ANK3: variants seen among roughly 807,000 people sequenced by gnomAD.
The protein encoded by ANK3 is ankyrin-3.
In ANK3, 57 loss-of-function variants were observed where a neutral mutation model predicts 370.9. The observed-to-expected ratio is 0.15, with a 90% CI of 0.12 to 0.19. The LOEUF (loss-of-function observed/expected upper bound fraction) is 0.19. Ranked by LOEUF, ANK3 falls within the 10% of genes least tolerant of loss-of-function variation. ANK3 has a pLI of 1.00. For synonymous variants in ANK3, 1,929 were observed against 1,946.3 expected (o/e 0.99, Z 0.23); for missense variants, 4,439 against 5,302.1 (o/e 0.84, Z 5.06).
intron 2 of ANK3, among the ~76,000 whole-genome samples, chr10:60,417,342 G>C (rs898892929): frequency 6.6e-6 from 1 of 152,120 alleles, no homozygotes; most frequent in African/African-American, 2.4e-5. Flanking sequence ...AGTGCCCCCA[G>C]GGATAAAGAA....
intron 1 of ANK3, among the ~76,000 whole-genome samples, chr10:60,353,050 C>G (rs1312154519): frequency 6.6e-6 from 1 of 151,976 alleles, no homozygotes; most frequent in Non-Finnish European, 1.5e-5. Flanking sequence ...GAGGCGTGAT[C>G]TCGGCTCACT....
chr10:60,557,086 C>T (rs1400326582), intron 2 of ANK3, among the ~76,000 whole-genome samples: 1 of 152,190 alleles, frequency 6.6e-6, no homozygotes, highest in African/African-American at 2.4e-5. Flanking sequence ...AATCTGGTCA[C>T]TGGTGCCAAA....
intron 2 of ANK3, among the ~76,000 whole-genome samples, chr10:60,427,521 G>A (rs78598854): frequency 0.019 from 2,878 of 151,140 alleles, 79 homozygotes; most frequent in African/African-American, 0.067. Flanking sequence ...ATAAGGTTTC[G>A]GGCCCTAAAA....
chr10:60,276,355 C>T (rs2098089534), intron 4 of ANK3, among the ~76,000 whole-genome samples: 1 of 152,106 alleles, frequency 6.6e-6, no homozygotes, highest in African/African-American at 2.4e-5. Context: ...ATGGAGGTGA[C>T]ATCATTGTTT....
chr10:60,121,809 T>C (rs906400008), intron 25 of ANK3, among the ~76,000 whole-genome samples: 33 of 152,210 alleles, frequency 2.2e-4, no homozygotes, highest in African/African-American at 7.7e-4. Flanking sequence ...GGATTGTTTG[T>C]AGCACAAAGG....
chr10:60,536,058 T>A (rs2076717975), intron 2 of ANK3, among the ~76,000 whole-genome samples: 1 of 152,104 alleles, frequency 6.6e-6, no homozygotes, highest in Non-Finnish European at 1.5e-5. Flanking sequence ...GAAAAAGAAT[T>A]CTATGTGGTT....
intron 2 of ANK3, among the ~76,000 whole-genome samples, chr10:60,603,431 T>G (rs1056883143): frequency 6.6e-6 from 1 of 152,152 alleles, no homozygotes; most frequent in Non-Finnish European, 1.5e-5. Context: ...AGGATCTTCC[T>G]ATAGTAGGCC....
chr10:60,149,220 C>T (rs1453644119), intron 23 of ANK3, among the ~76,000 whole-genome samples: 3 of 152,140 alleles, frequency 2.0e-5, no homozygotes, highest in Non-Finnish European at 4.4e-5. Context: ...TCTGACTCAC[C>T]CCTCCCCATT....
At chr10:60,491,067 A>G (rs2075487539) in intron 2 of ANK3, among the ~76,000 whole-genome samples, 1 of 152,204 alleles carries the variant, frequency 6.6e-6, no homozygotes, top group Non-Finnish European at 1.5e-5. Flanking sequence ...TTTGTTCAGT[A>G]TAATGCATTT....
intron 1 of ANK3, among the ~76,000 whole-genome samples, chr10:60,674,429 G>A (rs2079099485): frequency 6.6e-6 from 1 of 152,034 alleles, no homozygotes; most frequent in Non-Finnish European, 1.5e-5. Context: ...AGGTGAGAGA[G>A]GGAGCAGGGA....
intron 2 of ANK3, among the ~76,000 whole-genome samples, chr10:60,479,813 A>C (rs998741846): frequency 1.3e-5 from 2 of 152,132 alleles, no homozygotes; most frequent in Admixed American, 1.3e-4. Flanking sequence ...TACACAGCCA[A>C]AATTAACCTC....
chr10:60,444,349 G>GA (rs954433378), intron 2 of ANK3, among the ~76,000 whole-genome samples: 70 of 147,796 alleles, frequency 4.7e-4, no homozygotes, highest in African/African-American at 1.3e-3. Flanking sequence ...TAATGCTCCT[G>GA]AAAAAAAACC....
At chr10:60,677,621 G>A (rs1405462421) in intron 1 of ANK3, among the ~76,000 whole-genome samples, 1 of 151,988 alleles carries the variant, frequency 6.6e-6, no homozygotes. Context: ...TTCCTTAGAT[G>A]TGCAGATGGT....
intron 2 of ANK3, among the ~76,000 whole-genome samples, chr10:60,412,351 T>C (rs2063577210): frequency 6.6e-6 from 1 of 152,138 alleles, no homozygotes; most frequent in Admixed American, 6.6e-5. Flanking sequence ...CCTGCCTGAT[T>C]GCCTGAACTG....
chr10:60,715,214 A>AGTGTGTGTGT, intron 1 of ANK3, among the ~76,000 whole-genome samples: 1 of 44,176 alleles, frequency 2.3e-5, no homozygotes, highest in Non-Finnish European at 4.4e-5. Context: ...TACATATACA[A>AGTGTGTGTGT]ATGTGTGTGT....
rs536479086 is a variant in ANK3, at chr10:60,570,853, A to G, written c.96+44333T>C. On this transcript the variant is annotated intron_variant, in intron 2 of 43. Coordinates refer to the ANK3 transcript ENST00000373827. The stretch of plus-strand genomic sequence containing the variant: ...GAAAATTTCAAGGTAGAGAGAGGGG[A>G]AAAAAAAGCCCGTGTTAAAGGATTC... Among the ~76,000 whole-genome samples the G allele has an allele frequency of 5.6e-3, 844 of 151,790 alleles. 9 individuals are homozygous for G. The highest frequency in any genetic ancestry group is 0.019 in the African/African-American group (783 of 41,386).
intron 1 of ANK3, among the ~76,000 whole-genome samples, chr10:60,326,160 G>C (rs12781371): frequency 0.39 from 59,862 of 151,754 alleles, 12,216 homozygotes; most frequent in Middle Eastern, 0.49. Flanking sequence ...AGAGGATCTG[G>C]AAAAACCACC....
chr10:60,137,462 A>C (rs2094407729), intron 24 of ANK3: 1 of 271,188 alleles, frequency 3.7e-6, no homozygotes, highest in Admixed American at 4.6e-5. Context: ...TGAGTTACAC[A>C]TTTAATGTAC....
chr10:60,201,702 T>G (rs1048514912), intron 12 of ANK3, among the ~76,000 whole-genome samples: 3 of 133,750 alleles, frequency 2.2e-5, no homozygotes, highest in African/African-American at 8.4e-5. Flanking sequence ...TTAGTTGAAA[T>G]CACTTCTTTT....
Sources: allele counts gnomAD v4.1 joint callset (sites outside exome capture counted in the v4.1 genomes callset), GRCh38; gene constraint gnomAD v4.1.1; transcripts MANE v1.5; gene names NCBI Gene and HGNC (gene_info 2026-07-23, HGNC 2026-07-21).